Variants in RAB21 observed in about 807,000 individuals in gnomAD.
The protein encoded by RAB21 is RAB21, member RAS oncogene family, also known as ras-related protein Rab-21.
RAB21 carries 13 observed loss-of-function variants against 33.1 expected under a neutral mutation model. The observed-to-expected ratio is 0.39, with a 90% confidence interval of 0.26 to 0.62. RAB21 has a LOEUF of 0.62. Among genes scored for constraint, RAB21 ranks in the 20% least tolerant of loss-of-function variants. RAB21 has a pLI of 0.48. For synonymous variants in RAB21, 91 were observed against 103.7 expected, an observed-to-expected ratio of 0.88 and a Z score of 0.74; for missense variants, 234 against 279.1, an observed-to-expected ratio of 0.84 and a Z score of 1.15.
At chr12:71,783,939 A>G (rs1189699538) in intron 6 of RAB21, among the ~76,000 whole-genome samples, 1 of 152,086 alleles carries the variant, frequency 6.6e-6, no homozygotes, top group Non-Finnish European at 1.5e-5. Flanking sequence ...TAAATATCAC[A>G]TCTTCAAAAC....
At chr12:71,762,466 C>T (rs1054015986) in intron 1 of RAB21, among the ~76,000 whole-genome samples, 8 of 151,190 alleles carry the variant, frequency 5.3e-5, no homozygotes, top group East Asian at 3.9e-4. Context: ...CTACCACGCC[C>T]GGCTAATTTT....
chr12:71,759,140 G>A (rs938630891), intron 1 of RAB21, among the ~76,000 whole-genome samples: 1 of 152,106 alleles, frequency 6.6e-6, no homozygotes, highest in African/African-American at 2.4e-5. Context: ...ATTAAGGTTG[G>A]CTTTGGTAGA....
chr12:71,798,931 T>C lies in RAB21; in HGVS notation c.*13258T>C, dbSNP rs989565490. 1 of 152,254 alleles carries C rather than the reference T, an allele frequency of 6.6e-6. No individual in the cohort carries two copies. The highest frequency in any genetic ancestry group is 2.4e-5 in the African/African-American group (1 of 41,462). The allele number at this position is 152,254 out of a possible 1,614,324, so 9.4% of individuals were successfully genotyped here. ...GGGCAGTCTGAATGCTAATTAAGTT[T>C]TCTCAACTATATGCTCTCTCCTCAT... On this transcript the variant is annotated 3_prime_UTR_variant, in exon 7 of 7. Coordinates refer to ENST00000261263, the MANE Select transcript of RAB21 (RefSeq NM_014999.4).
Position 71,785,911 on chromosome 12 carries a change from T to TG in RAB21, c.*238_*239insG. The TG allele has an allele frequency of 2.4e-6, 1 of 410,766 alleles. No individual in the cohort carries two copies. The highest frequency in any genetic ancestry group is 4.1e-6 in the Non-Finnish European group (1 of 246,266). 25.4% of individuals were successfully genotyped at this position (410,766 alleles called of 1,614,324 possible). A position where few individuals can be genotyped will look rare whatever the true frequency, so the allele number is the denominator to read the frequency against. ...TTTGTTTTTTTTTTGTTTTTTTTTGTTTTTTTTTGAGACGGAGTCTCGCTC... is the reference window on the plus strand; with the variant it reads ...TTTGTTTTTTTTTTGTTTTTTTTTGTGTTTTTTTTGAGACGGAGTCTCGCTC... On this transcript the variant is annotated 3_prime_UTR_variant, in exon 7 of 7. Coordinates refer to ENST00000261263, the MANE Select transcript of RAB21 (RefSeq NM_014999.4).
At position 71,785,520 on chromosome 12, in the gene RAB21, C is replaced by G. The variant is rs763487155; in HGVS notation, c.536-11C>G. ...GTGGTCCTAATAATGTTTGCTTTCT[C>G]TCTGTCTTAGGGATGATAGAAACAG... On this transcript the variant is annotated splice_polypyrimidine_tract_variant and intron_variant, in intron 6 of 6. Transcript: ENST00000261263. 90 of 1,613,136 alleles carry G rather than the reference C, an allele frequency of 5.6e-5. No individual in the cohort carries two copies. Among genetic ancestry groups the G allele is most frequent in the Admixed American group, 1.5e-4 (9 of 59,898 alleles).
rs1423946407 is a variant in RAB21 at position 71,794,318 on chromosome 12, C to T, written c.*8645C>T. The T allele has an allele frequency of 1.4e-5, 2 of 147,998 alleles. No homozygotes were observed. Among genetic ancestry groups the T allele is most frequent in the Non-Finnish European group, 3.0e-5 (2 of 67,374 alleles). 9.2% of individuals were successfully genotyped at this position (147,998 alleles called of 1,614,324 possible). A position where few individuals can be genotyped will look rare whatever the true frequency, so the allele number is the denominator to read the frequency against. Reference sequence around the variant, plus strand: ...TTGGAGGCTAAGGCAGGTGGACCACCTGAGGTCAGGAGTTCGAGACCAGCC... The same window carrying T: ...TTGGAGGCTAAGGCAGGTGGACCACTTGAGGTCAGGAGTTCGAGACCAGCC... On this transcript the variant is annotated 3_prime_UTR_variant, in exon 7 of 7. Transcript: ENST00000261263.
intron 1 of RAB21, among the ~76,000 whole-genome samples, chr12:71,756,066 C>T (rs957884870): frequency 1.3e-5 from 2 of 152,150 alleles, no homozygotes; most frequent in Non-Finnish European, 2.9e-5. Context: ...GGGAGTTGTA[C>T]TCACCCCACC....
chr12:71,781,594 A>G (rs1883201723), intron 4 of RAB21, among the ~76,000 whole-genome samples: 2 of 152,242 alleles, frequency 1.3e-5, no homozygotes, highest in African/African-American at 4.8e-5. Flanking sequence ...GTAGGATCCA[A>G]GAGGCTAGAT....
At chr12:71,771,217 T>C (rs1883037535) in intron 3 of RAB21, among the ~76,000 whole-genome samples, 1 of 152,206 alleles carries the variant, frequency 6.6e-6, no homozygotes, top group Non-Finnish European at 1.5e-5. Context: ...TTACTTCCCT[T>C]CAAAAACACA....
At chr12:71,768,519 C>T (rs1403361671) in intron 1 of RAB21, among the ~76,000 whole-genome samples, 4 of 152,104 alleles carry the variant, frequency 2.6e-5, no homozygotes. Flanking sequence ...TGATACTCTT[C>T]TTTCTTTCCT....
At chr12:71,785,399 CA>C in intron 6 of RAB21, 131 bp from the exon 7 acceptor site, 1 of 1,040,446 alleles carries the variant, frequency 9.6e-7, no homozygotes, top group Non-Finnish European at 1.4e-6. Flanking sequence ...TGAGCTGACC[CA>C]ATGTTCATTA....
chr12:71,790,744 A>C lies in RAB21; in HGVS notation c.*5071A>C, dbSNP rs1883368998. The C allele has an allele frequency of 6.6e-6, 1 of 152,130 alleles. No homozygotes were observed. Among genetic ancestry groups the C allele is most frequent in the African/African-American group, 2.4e-5 (1 of 41,426 alleles). The allele number at this position is 152,130 out of a possible 1,614,324, so 9.4% of individuals were successfully genotyped here. On this transcript the variant is annotated 3_prime_UTR_variant, in exon 7 of 7. Transcript: ENST00000261263. Reference sequence around the variant, plus strand: ...TGTTGTGGGTTTTAAATTTTCACATAAATTGTGTCTTACCCATGTGTTTTG... The same window carrying C: ...TGTTGTGGGTTTTAAATTTTCACATCAATTGTGTCTTACCCATGTGTTTTG...
At chr12:71,767,705 C>G (rs1044495887) in intron 1 of RAB21, among the ~76,000 whole-genome samples, 1 of 152,064 alleles carries the variant, frequency 6.6e-6, no homozygotes, top group Non-Finnish European at 1.5e-5. Flanking sequence ...AAGATATTTC[C>G]AAGTTTCTAA....
intron 6 of RAB21, among the ~76,000 whole-genome samples, chr12:71,783,243 T>A (rs374652913): frequency 6.6e-6 from 1 of 152,014 alleles, no homozygotes; most frequent in South Asian, 2.1e-4. Flanking sequence ...TGGATTTTCA[T>A]TATGCTGTAT....
In RAB21 at chr12:71,785,811, C is replaced by T. The variant is rs1387553676; in HGVS notation, c.*138C>T. 2 of 971,006 alleles carry T rather than the reference C, an allele frequency of 2.1e-6. No individual in the cohort carries two copies. Among genetic ancestry groups the T allele is most frequent in the Non-Finnish European group, 1.5e-6 (1 of 660,022 alleles). 60.1% of individuals were successfully genotyped at this position (971,006 alleles called of 1,614,324 possible). On this transcript the variant is annotated 3_prime_UTR_variant, in exon 7 of 7. Transcript: ENST00000261263. ...ACAGTATTTTAAATTACGTTTATAA[C>T]ACTGCAGAGACCTTAAGTGCTAAAC...
intron 1 of RAB21, among the ~76,000 whole-genome samples, chr12:71,765,129 T>C (rs1489014799): frequency 6.6e-6 from 1 of 152,194 alleles, no homozygotes; most frequent in Non-Finnish European, 1.5e-5. Context: ...TCTATTGTTA[T>C]TTTGACTAAT....
chr12:71,755,365 G>C, intron 1 of RAB21, 77 bp downstream of exon 1: 1 of 1,399,374 alleles, frequency 7.1e-7, no homozygotes, highest in Non-Finnish European at 9.3e-7. Context: ...TGCCGCCCTG[G>C]TCCCCTGGAT....
intron 4 of RAB21, among the ~76,000 whole-genome samples, chr12:71,777,367 A>G (rs909112680): frequency 3.9e-5 from 6 of 152,054 alleles, no homozygotes; most frequent in African/African-American, 1.4e-4. Flanking sequence ...TATGTTGTAT[A>G]TAGTTGTTCA....
intron 1 of RAB21, among the ~76,000 whole-genome samples, chr12:71,760,585 C>G (rs546260612): frequency 1.3e-5 from 2 of 152,154 alleles, no homozygotes; most frequent in African/African-American, 4.8e-5. Context: ...GGGAATATAA[C>G]GATGAGCAAG....
Sources: allele counts gnomAD v4.1 joint callset (sites outside exome capture counted in the v4.1 genomes callset), GRCh38; gene constraint gnomAD v4.1.1; transcripts MANE v1.5; gene names NCBI Gene and HGNC (gene_info 2026-07-23, HGNC 2026-07-21).